Variants in CNTNAP4 observed in about 807,000 individuals in gnomAD.
The protein encoded by CNTNAP4 is contactin associated protein family member 4.
Under a neutral mutation model 148.4 loss-of-function variants are expected in CNTNAP4, and 98 were observed. The observed-to-expected ratio is 0.66, with a 90% confidence interval of 0.56 to 0.78. The LOEUF is 0.78. CNTNAP4 is among the 30% of genes least tolerant of loss of function. CNTNAP4 has a pLI of 0.00. For synonymous variants in CNTNAP4, 730 were observed against 565.1 expected (o/e 1.29, Z -4.14); for missense variants, 1,935 against 1,565.6 (o/e 1.24, Z -3.98).
At position 76,506,055 on chromosome 16, in the gene CNTNAP4, C is replaced by T. The variant is rs552431785; in HGVS notation, c.2365+7361C>T. Among the ~76,000 whole-genome samples the T allele has an allele frequency of 1.2e-4, 12 of 97,624 alleles. 4 individuals carry two copies. The highest frequency in any genetic ancestry group is 3.5e-4 in the Non-Finnish European group (12 of 34,310). The allele number at this position is 97,624 out of a possible 152,430, so 64.0% of individuals were successfully genotyped here. A position where few individuals can be genotyped will look rare whatever the true frequency, so the allele number is the denominator to read the frequency against. On this transcript the variant is annotated intron_variant, in intron 15 of 23. Coordinates refer to ENST00000611870, the MANE Select transcript of CNTNAP4 (RefSeq NM_033401.5). ...TGAATATGTTTCTAACTTATATTGA[C>T]TTTAGAAACTTTAGAAAAAGAGTCA...
At chr16:76,556,944 G>T (rs1568639134) in intron 23 of CNTNAP4, among the ~76,000 whole-genome samples, 2 of 152,138 alleles carry the variant, frequency 1.3e-5, no homozygotes, top group African/African-American at 4.8e-5. Context: ...ACAGGAATCT[G>T]TTGTGATTAA....
Position 76,380,418 on chromosome 16 carries a change from A to G in CNTNAP4, c.390+24907A>G, listed in dbSNP as rs142017555. ...AAATAAATTGGGGATTAAGTTCCCA[A>G]TGCTTTCCTTCAGATTCCAAGATTA... On this transcript the variant is annotated intron_variant, in intron 3 of 23. Transcript: ENST00000611870. Among the ~76,000 whole-genome samples, 510 of 152,338 alleles carry G rather than the reference A, an allele frequency of 3.3e-3. 4 individuals are homozygous for G. The highest frequency in any genetic ancestry group is 0.012 in the African/African-American group (486 of 41,578).
Position 76,522,058 on chromosome 16 carries a change from T to G in CNTNAP4, c.2556T>G (p.Phe852Leu), listed in dbSNP as rs1236469864. 1 of 1,613,928 alleles carries G rather than the reference T, an allele frequency of 6.2e-7. No homozygotes were observed. The highest frequency in any genetic ancestry group is 1.1e-5 in the South Asian group (1 of 91,086). ...TTCCAGCTCCGACAGTAGTGACTTT[T>G]TCATTTGATGTGGGGAATGGGCCTT... ...IELRSPTVVT[F>L]SFDVGNGPFE... Residue 852 changes from phenylalanine to leucine, a missense_variant, in exon 17 of 24, where the codon TTT becomes TTG. Coordinates refer to ENST00000611870, the MANE Select transcript of CNTNAP4 (RefSeq NM_033401.5).
chr16:76,333,470 T>C (rs1963722475), intron 2 of CNTNAP4, among the ~76,000 whole-genome samples: 1 of 152,218 alleles, frequency 6.6e-6, no homozygotes, highest in Admixed American at 6.5e-5. Flanking sequence ...TGATGACCTC[T>C]ATTTGTTGAG....
chr16:76,540,358 T>TA (rs1346993793), intron 20 of CNTNAP4, among the ~76,000 whole-genome samples: 5 of 152,148 alleles, frequency 3.3e-5, no homozygotes, highest in Non-Finnish European at 5.9e-5. Flanking sequence ...AGTGTTAAGG[T>TA]GAAAAATAAC....
chr16:76,343,342 C>G (rs1399197963), intron 2 of CNTNAP4, among the ~76,000 whole-genome samples: 1 of 152,034 alleles, frequency 6.6e-6, no homozygotes, highest in African/African-American at 2.4e-5. Flanking sequence ...TTATACATTA[C>G]AAATAGAAAT....
intron 1 of CNTNAP4, among the ~76,000 whole-genome samples, chr16:76,291,710 A>G (rs984441465): frequency 6.6e-6 from 1 of 152,386 alleles, no homozygotes; most frequent in East Asian, 1.9e-4. Context: ...AGTCAAAAAC[A>G]AACAAATAAA....
chr16:76,306,161 C>G (rs1960460771), intron 1 of CNTNAP4, among the ~76,000 whole-genome samples: 1 of 152,136 alleles, frequency 6.6e-6, no homozygotes, highest in Non-Finnish European at 1.5e-5. Flanking sequence ...TCTAGTTGTC[C>G]TTTGCATGTA....
chr16:76,462,944 T>C (rs55662612), intron 9 of CNTNAP4, among the ~76,000 whole-genome samples: 344 of 152,318 alleles, frequency 2.3e-3, no homozygotes, highest in Non-Finnish European at 3.7e-3. Context: ...TATTATTCAC[T>C]AATAAAATAC....
At chr16:76,292,002 A>T (rs1279697813) in intron 1 of CNTNAP4, among the ~76,000 whole-genome samples, 1 of 152,186 alleles carries the variant, frequency 6.6e-6, no homozygotes, top group East Asian at 1.9e-4. Flanking sequence ...TCAAGTGGAT[A>T]TACTTTTATT....
chr16:76,301,282 T>C (rs921649142), intron 1 of CNTNAP4, among the ~76,000 whole-genome samples: 1 of 152,160 alleles, frequency 6.6e-6, no homozygotes, highest in African/African-American at 2.4e-5. Flanking sequence ...ATCATATTAA[T>C]AGCTCCAAGG....
At chr16:76,343,530 T>A (rs1964659395) in intron 2 of CNTNAP4, among the ~76,000 whole-genome samples, 1 of 152,172 alleles carries the variant, frequency 6.6e-6, no homozygotes, top group South Asian at 2.1e-4. Context: ...TAGTAGCATG[T>A]AATCTGAGAA....
chr16:76,348,780 A>C (rs1477390895), intron 2 of CNTNAP4, among the ~76,000 whole-genome samples: 1 of 151,964 alleles, frequency 6.6e-6, no homozygotes, highest in Non-Finnish European at 1.5e-5. Context: ...GAGTCGGCCC[A>C]AGAAGGAATG....
intron 2 of CNTNAP4, among the ~76,000 whole-genome samples, chr16:76,341,852 C>T (rs1964494904): frequency 6.6e-6 from 1 of 152,058 alleles, no homozygotes; most frequent in Non-Finnish European, 1.5e-5. Flanking sequence ...AAAATGGCTC[C>T]ATGAAAGATG....
In CNTNAP4 at chr16:76,448,124, T is replaced by G; in HGVS notation, c.651T>G (p.Ser217Arg). 6.2e-7 allele frequency: 1 copy of G among 1,613,328 alleles called. No individual in the cohort carries two copies. The highest frequency in any genetic ancestry group is 8.5e-7 in the Non-Finnish European group (1 of 1,179,412). Reference sequence around the variant, plus strand: ...CTTTGAAATTCAAAACCATGCAGAGTGATGGGATTCTACTCCACAGGGAAG... The same window carrying G: ...CTTTGAAATTCAAAACCATGCAGAGGGATGGGATTCTACTCCACAGGGAAG... ...IISLKFKTMQ[S>R]DGILLHREGP... Residue 217 changes from serine (S) to arginine (R), a missense_variant, in exon 5 of 24, where the codon AGT becomes AGG. Coordinates refer to ENST00000611870, the MANE Select transcript of CNTNAP4 (RefSeq NM_033401.5).
intron 2 of CNTNAP4, among the ~76,000 whole-genome samples, chr16:76,318,765 T>C (rs8060987): frequency 0.086 from 12,415 of 144,602 alleles, 1,661 homozygotes; most frequent in African/African-American, 0.29. Flanking sequence ...ATATTCATAA[T>C]AATAATCATA....
At chr16:76,439,321 G>A (rs924763493) in intron 4 of CNTNAP4, among the ~76,000 whole-genome samples, 13 of 141,270 alleles carry the variant, frequency 9.2e-5, no homozygotes, top group African/African-American at 2.5e-4. Context: ...TGAGATAAAC[G>A]TGATTTCAAG....
At chr16:76,494,848 T>C in intron 13 of CNTNAP4, 62 bp from the exon 14 acceptor site, 2 of 1,480,978 alleles carry the variant, frequency 1.4e-6, no homozygotes, top group Non-Finnish European at 1.9e-6. Flanking sequence ...AAAGGAATTA[T>C]ATTGGGAGAG....
At chr16:76,516,074 T>C (rs1209479859) in intron 15 of CNTNAP4, among the ~76,000 whole-genome samples, 1 of 152,126 alleles carries the variant, frequency 6.6e-6, no homozygotes, top group Non-Finnish European at 1.5e-5. Context: ...GTATTTGTCT[T>C]AATGCTGTCC....
Sources: gnomAD v4.1 joint callset for allele counts (sites outside exome capture counted in the v4.1 genomes callset) on GRCh38, gnomAD v4.1.1 for gene constraint, MANE v1.5 for transcripts, NCBI Gene and HGNC (gene_info 2026-07-23, HGNC 2026-07-21) for gene names.